Variants in PLAA observed in about 807,000 individuals in gnomAD.
The protein encoded by PLAA is phospholipase A2 activating protein.
Under a neutral mutation model 84.1 loss-of-function variants are expected in PLAA, and 48 were observed. The observed-to-expected ratio is 0.57, with a 90% CI of 0.45 to 0.73. PLAA has a LOEUF of 0.73. Among genes scored for constraint, PLAA ranks in the 30% least tolerant of loss-of-function variants. The probability of loss-of-function intolerance (pLI) is 0.00; values close to 1 mark genes in which losing one functional copy is unlikely to be tolerated. For missense variants in PLAA, 903 were observed against 954.7 expected, an observed-to-expected ratio of 0.95 and a Z score of 0.71; for synonymous variants, 392 against 336.6, an observed-to-expected ratio of 1.16 and a Z score of -1.80.
chr9:26,905,385 T>C lies in PLAA; in HGVS notation c.*126A>G. ...TATTTCTGTTTCCCCTCCCCACCAC[T>C]TTACAAGATGTAAAATTTTACTTAA... On this transcript the variant is annotated 3_prime_UTR_variant, in exon 14 of 14. Coordinates refer to ENST00000397292, the MANE Select transcript of PLAA (RefSeq NM_001031689.3). 1 of 747,482 alleles carries C rather than the reference T, an allele frequency of 1.3e-6. No homozygotes were observed. The highest frequency in any genetic ancestry group is 2.1e-6 in the Non-Finnish European group (1 of 467,976). The allele number at this position is 747,482 out of a possible 1,614,324, so 46.3% of individuals were successfully genotyped here.
chr9:26,912,575 C>G (rs929913267), intron 11 of PLAA, among the ~76,000 whole-genome samples: 3 of 152,128 alleles, frequency 2.0e-5, no homozygotes, highest in African/African-American at 7.2e-5. Context: ...ATATACACAC[C>G]ATGCTGTTAA....
At position 26,917,146 on chromosome 9, in the gene PLAA, C is replaced by T. The variant is rs201133026; in HGVS notation, c.1437G>A (p.Pro479=). 1.4e-5 allele frequency: 23 copies of T among 1,613,640 alleles called. No homozygotes were observed. Among genetic ancestry groups the T allele is most frequent in the Admixed American group, 1.2e-4 (7 of 59,968 alleles). Residue 479 remains proline, a synonymous_variant, in exon 10 of 14, where the codon CCG becomes CCA. Coordinates refer to ENST00000397292, the MANE Select transcript of PLAA (RefSeq NM_001031689.3). ...GTGTGTTAGAAGATCCCGAAGAGCC[C>T]GGAACATACCGACCACCACCTGTGC... The part of the protein sequence containing the change: ...DPFTGGGRYV[P]GSSGSSNTLP...
rs141342759 is a variant in PLAA at position 26,917,078 on chromosome 9, A to G, written c.1486+19T>C. On this transcript the variant is annotated intron_variant, in intron 10 of 13. Transcript: ENST00000397292. ...TACATTTAGTGAAGAAAGATACATG[A>G]ATCAAAACTACATCCCACCTGTAAA... is the stretch of plus-strand genomic sequence containing the variant. The G allele has an allele frequency of 4.7e-5, 76 of 1,602,992 alleles. No individual in the cohort carries two copies. The East Asian group carries it at 1.7e-3, about 36-fold the overall frequency.
intron 2 of PLAA, 93 bp downstream of exon 2, chr9:26,934,920 T>C: frequency 2.1e-6 from 2 of 966,622 alleles, no homozygotes; most frequent in Non-Finnish European, 3.1e-6. Context: ...TAAAACAAAA[T>C]ATAATAAAAA....
intron 7 of PLAA, among the ~76,000 whole-genome samples, chr9:26,921,254 T>C (rs1366094154): frequency 1.3e-5 from 2 of 152,196 alleles, no homozygotes; most frequent in Non-Finnish European, 2.9e-5. Context: ...TGTCATGTTC[T>C]CAACAAGGCC....
chr9:26,924,173 A>T (rs184934016), intron 6 of PLAA, among the ~76,000 whole-genome samples: 39 of 152,176 alleles, frequency 2.6e-4, no homozygotes, highest in African/African-American at 8.7e-4. Context: ...TCTGTCACCT[A>T]GGCTGGAGTG....
Position 26,946,967 on chromosome 9 carries a change from A to C in PLAA, c.79T>G (p.Cys27Gly), listed in dbSNP as rs1388023605. The C allele has an allele frequency of 1.9e-6, 3 of 1,591,242 alleles. No individual in the cohort carries two copies. The highest frequency in any genetic ancestry group is 1.1e-5 in the South Asian group (1 of 87,584). ...ACAAAGGCTCCCGGCGGATAGGCGC[A>C]GCACACCAGGCCCCGTACGTCCAGC... ...HELDVRGLVCCAYPPGAFVSV... is the reference protein window; with the variant it reads ...HELDVRGLVCGAYPPGAFVSV... Residue 27 changes from cysteine (C) to glycine (G), a missense_variant, in exon 1 of 14, where the codon TGC (cysteine) becomes GGC (glycine). By Grantham distance (159) the Cys-to-Gly change is radical. Coordinates refer to ENST00000397292, the MANE Select transcript of PLAA (RefSeq NM_001031689.3).
At chr9:26,923,422 A>C in intron 6 of PLAA, 75 bp from the exon 7 acceptor site, 1 of 1,060,270 alleles carries the variant, frequency 9.4e-7, no homozygotes, top group South Asian at 1.5e-5. Flanking sequence ...AATGATCCAT[A>C]GTAAAAATAA....
At chr9:26,914,037 A>G (rs945450184) in intron 10 of PLAA, 90 bp from the exon 11 acceptor site, 62 of 880,830 alleles carry the variant, frequency 7.0e-5, no homozygotes, top group Middle Eastern at 4.4e-4. Context: ...TATTAAGCAC[A>G]CTTCACAATG....
chr9:26,910,946 T>C (rs542699911), intron 11 of PLAA, among the ~76,000 whole-genome samples: 1 of 152,364 alleles, frequency 6.6e-6, no homozygotes, highest in African/African-American at 2.4e-5. Flanking sequence ...TTACTGCTTA[T>C]TCCAAAGGAT....
chr9:26,917,730 T>C (rs1186516049), intron 9 of PLAA, among the ~76,000 whole-genome samples: 1 of 152,206 alleles, frequency 6.6e-6, no homozygotes, highest in Non-Finnish European at 1.5e-5. Context: ...CTTCCATTTA[T>C]ACATTTACGA....
At position 26,943,311 on chromosome 9, in the gene PLAA, G is replaced by T. The variant is rs61187442; in HGVS notation, c.149+3586C>A. On this transcript the variant is annotated intron_variant, in intron 1 of 13. Transcript: ENST00000397292. ...TTCAAAGGGCTTTTGTGAAAGACTAGGTACCTGGTTTAGTCTACTCTAAAA... is the reference window on the plus strand; with the variant it reads ...TTCAAAGGGCTTTTGTGAAAGACTATGTACCTGGTTTAGTCTACTCTAAAA... 9.8e-3 allele frequency among the ~76,000 whole-genome samples: 1,488 copies of T among 152,232 alleles called. 19 individuals are homozygous for T. Among genetic ancestry groups the T allele is most frequent in the African/African-American group, 0.034 (1,400 of 41,552 alleles).
intron 1 of PLAA, among the ~76,000 whole-genome samples, chr9:26,936,786 C>T (rs1267133761): frequency 2.0e-5 from 3 of 152,132 alleles, no homozygotes; most frequent in Non-Finnish European, 4.4e-5. Context: ...GTTGTTGCAC[C>T]TCCCCCGGTT....
At chr9:26,906,474 C>A (rs1824241306) in intron 13 of PLAA, among the ~76,000 whole-genome samples, 1 of 135,642 alleles carries the variant, frequency 7.4e-6, no homozygotes, top group African/African-American at 2.8e-5. Context: ...GTTGCCCAGG[C>A]TGGATTGCAA....
Position 26,946,943 on chromosome 9 carries a change from C to T in PLAA, c.103G>A (p.Val35Met). The T allele has an allele frequency of 6.3e-7, 1 of 1,586,784 alleles. No individual in the cohort carries two copies. Among genetic ancestry groups the T allele is most frequent in the Non-Finnish European group, 8.6e-7 (1 of 1,166,380 alleles). ...GTGGTGCGGTCTCGGGACACGGACA[C>T]AAAGGCTCCCGGCGGATAGGCGCAG... The part of the protein sequence containing the change: ...VCCAYPPGAF[V>M]SVSRDRTTRL... Residue 35 changes from valine (V) to methionine (M), a missense_variant, in exon 1 of 14, where the codon GTG becomes ATG. Transcript: ENST00000397292.
At chr9:26,941,029 T>C (rs1825517762) in intron 1 of PLAA, among the ~76,000 whole-genome samples, 1 of 152,222 alleles carries the variant, frequency 6.6e-6, no homozygotes, top group Non-Finnish European at 1.5e-5. Flanking sequence ...TAGTGGTCTG[T>C]GAAGTTCTTA....
chr9:26,912,124 CAT>C (rs1456361118), intron 11 of PLAA, among the ~76,000 whole-genome samples: 1 of 152,098 alleles, frequency 6.6e-6, no homozygotes, highest in Non-Finnish European at 1.5e-5. Context: ...AGCAAGGACA[CAT>C]GTGGGTGTTC....
chr9:26,930,938 T>C (rs1825164279), intron 2 of PLAA, among the ~76,000 whole-genome samples: 1 of 151,504 alleles, frequency 6.6e-6, no homozygotes, highest in Admixed American at 6.6e-5. Context: ...CAAATCAGTA[T>C]GATATAATTG....
At chr9:26,936,335 G>A (rs1825358228) in intron 1 of PLAA, among the ~76,000 whole-genome samples, 1 of 152,160 alleles carries the variant, frequency 6.6e-6, no homozygotes. Flanking sequence ...AGTCCTAGCA[G>A]GCAGCAGGAC....
Sources: allele counts gnomAD v4.1 joint callset (sites outside exome capture counted in the v4.1 genomes callset), GRCh38; gene constraint gnomAD v4.1.1; transcripts MANE v1.5; gene names NCBI Gene and HGNC (gene_info 2026-07-23, HGNC 2026-07-21).